Variants in COL22A1 observed in about 807,000 individuals in gnomAD.
The protein encoded by COL22A1 is collagen type XXII alpha 1 chain.
COL22A1 carries 221 observed loss-of-function variants against 248.9 expected under a neutral mutation model. The observed-to-expected ratio is 0.89, with a 90% CI of 0.80 to 0.99. The LOEUF is 0.99. COL22A1 is among the 50% of genes least tolerant of loss of function. The pLI is 0.00. For missense variants in COL22A1, 2,240 were observed against 2,179.0 expected, an observed-to-expected ratio of 1.03 and a Z score of -0.56; for synonymous variants, 891 against 793.4, an observed-to-expected ratio of 1.12 and a Z score of -2.07.
rs1174446571 is a variant in COL22A1, at chr8:138,812,946, G to A, written c.1319C>T (p.Ser440Leu). 1.9e-5 allele frequency: 31 copies of A among 1,612,676 alleles called. No homozygotes were observed. The highest frequency in any genetic ancestry group is 6.7e-5 in the African/African-American group (5 of 74,818). ...GTGCGAGAGTCTGCTCACCGGACCC[G>A]AGGGGATATCACAACAAGTCTCCAA... ...AELETCCDIP[S>L]GPCQVTVVTE... The change falls in exon 8 of 65, where the codon TCG becomes TTG. Residue 440 changes from serine (S) to leucine (L), a missense_variant. Ser to Leu is a moderately radical substitution (Grantham distance 145). Coordinates refer to ENST00000303045, the MANE Select transcript of COL22A1 (RefSeq NM_152888.3).
rs1412919451 is a variant in COL22A1 at position 138,905,320 on chromosome 8, T to C, written c.-73+8299A>G. Among the ~76,000 whole-genome samples, 3 of 152,298 alleles carry C rather than the reference T, an allele frequency of 2.0e-5. No individual in the cohort carries two copies. In the East Asian group the frequency reaches 5.8e-4, roughly 29 times the overall value. ...ATACACTCATTTAAACTTGGATATC[T>C]CCAGGGACCAGAAACTCACTACTTT... is the stretch of plus-strand genomic sequence containing the variant. On this transcript the variant is annotated intron_variant, in intron 1 of 64. Transcript: ENST00000303045.
intron 52 of COL22A1, chr8:138,620,174 C>G (rs1819666294): frequency 6.6e-6 from 1 of 152,168 alleles, no homozygotes; most frequent in African/African-American, 2.4e-5. Flanking sequence ...CTTGCCAACT[C>G]AGGTTCATAT....
chr8:138,751,611 G>C (rs980435141), intron 21 of COL22A1, 100 bp from the exon 22 acceptor site: 1 of 728,304 alleles, frequency 1.4e-6, no homozygotes, highest in Non-Finnish European at 2.2e-6. Context: ...TCATTGAATA[G>C]TGTAATACCA....
chr8:138,640,445 C>T (rs1587737049), intron 47 of COL22A1, among the ~76,000 whole-genome samples: 1 of 152,086 alleles, frequency 6.6e-6, no homozygotes, highest in African/African-American at 2.4e-5. Flanking sequence ...TTCTCCTAAA[C>T]TTTTACATGC....
At chr8:138,660,510 T>A in intron 43 of COL22A1, 30 bp from the exon 44 acceptor site, 1 of 1,607,762 alleles carries the variant, frequency 6.2e-7, no homozygotes, top group Non-Finnish European at 8.5e-7. Context: ...AAACATTAAC[T>A]GTGATAAGCA....
At chr8:138,798,605 T>C (rs1816751099) in intron 11 of COL22A1, among the ~76,000 whole-genome samples, 1 of 152,174 alleles carries the variant, frequency 6.6e-6, no homozygotes, top group African/African-American at 2.4e-5. Flanking sequence ...GCGTATTACA[T>C]GCGTGTTTGT....
intron 1 of COL22A1, among the ~76,000 whole-genome samples, chr8:138,883,889 A>G (rs1316978): frequency 0.05 from 7,649 of 152,146 alleles, 271 homozygotes; most frequent in Middle Eastern, 0.099. Flanking sequence ...GGACTAATAC[A>G]CCACCTAAAA....
intron 10 of COL22A1, among the ~76,000 whole-genome samples, chr8:138,804,103 C>A (rs998329038): frequency 6.6e-6 from 1 of 152,210 alleles, no homozygotes; most frequent in East Asian, 1.9e-4. Flanking sequence ...TGCTCCCTTC[C>A]CCCTGGCCTA....
chr8:138,620,716 T>C (rs1819715827), intron 52 of COL22A1: 1 of 152,184 alleles, frequency 6.6e-6, no homozygotes, highest in Non-Finnish European at 1.5e-5. Context: ...TTGTTAACCC[T>C]CAGGCAAAAC....
chr8:138,724,091 T>C (rs1221859624), intron 25 of COL22A1, among the ~76,000 whole-genome samples: 1 of 152,208 alleles, frequency 6.6e-6, no homozygotes, highest in Non-Finnish European at 1.5e-5. Context: ...TCCATCATCC[T>C]GCCCTAAAGA....
At chr8:138,686,782 T>C (rs575429773) in intron 37 of COL22A1, among the ~76,000 whole-genome samples, 5 of 152,278 alleles carry the variant, frequency 3.3e-5, no homozygotes, top group Non-Finnish European at 7.4e-5. Flanking sequence ...CCCTTCCAGG[T>C]TACCAATGTC....
intron 1 of COL22A1, among the ~76,000 whole-genome samples, chr8:138,901,358 G>GGTTTTT (rs1554660859): frequency 2.3e-5 from 3 of 131,516 alleles, no homozygotes; most frequent in Non-Finnish European, 1.6e-5. Context: ...TTACTGGCAG[G>GGTTTTT]TTTTTTTTTT....
chr8:138,898,445 A>G (rs1389723748), intron 1 of COL22A1, among the ~76,000 whole-genome samples: 1 of 152,130 alleles, frequency 6.6e-6, no homozygotes, highest in Non-Finnish European at 1.5e-5. Context: ...TAGCTAGCTC[A>G]GGATGGATTG....
At chr8:138,771,164 C>G (rs1020150411) in intron 16 of COL22A1, among the ~76,000 whole-genome samples, 5 of 152,224 alleles carry the variant, frequency 3.3e-5, no homozygotes, top group African/African-American at 1.2e-4. Context: ...TGCAGGGACT[C>G]AGAGGCTGAT....
At chr8:138,822,688 T>C (rs369973669) in intron 6 of COL22A1, among the ~76,000 whole-genome samples, 31 of 152,312 alleles carry the variant, frequency 2.0e-4, no homozygotes, top group Non-Finnish European at 3.4e-4. Flanking sequence ...GGCTTCTAGT[T>C]GAGCTTGGCC....
At chr8:138,807,435 T>G (rs1817823038) in intron 10 of COL22A1, among the ~76,000 whole-genome samples, 1 of 152,166 alleles carries the variant, frequency 6.6e-6, no homozygotes, top group South Asian at 2.1e-4. Context: ...CCCTAAAAGT[T>G]TCTGGAATAC....
At chr8:138,749,317 C>T (rs1363819510) in intron 22 of COL22A1, among the ~76,000 whole-genome samples, 1 of 152,192 alleles carries the variant, frequency 6.6e-6, no homozygotes, top group African/African-American at 2.4e-5. Flanking sequence ...GATGTTCCCT[C>T]CTTGCCTTAA....
chr8:138,736,747 G>A (rs1353940974), intron 23 of COL22A1, among the ~76,000 whole-genome samples: 2 of 152,148 alleles, frequency 1.3e-5, no homozygotes, highest in Non-Finnish European at 2.9e-5. Context: ...GGAAGAAGGA[G>A]GAGGAGGCAG....
intron 7 of COL22A1, 68 bp from the exon 8 acceptor site, chr8:138,813,087 C>T (rs1818377956): frequency 8.4e-7 from 1 of 1,195,506 alleles, no homozygotes; most frequent in Non-Finnish European, 1.2e-6. Context: ...TCCGTGGTTT[C>T]ACACAGGCCC....
Sources: allele counts gnomAD v4.1 joint callset (sites outside exome capture counted in the v4.1 genomes callset), GRCh38; gene constraint gnomAD v4.1.1; transcripts MANE v1.5; gene names NCBI Gene and HGNC (gene_info 2026-07-23, HGNC 2026-07-21).